Variants in ZCCHC7 observed in about 807,000 individuals in gnomAD.
The protein encoded by ZCCHC7 is zinc finger CCHC-type containing 7, also known as zinc finger CCHC domain-containing protein 7.
ZCCHC7 carries 35 observed loss-of-function variants against 52.0 expected under a neutral mutation model. The ratio of observed to expected loss-of-function variants is 0.67; its 90% CI spans 0.51 to 0.89. The LOEUF (loss-of-function observed/expected upper bound fraction) is 0.89, where lower values mean the gene tolerates loss of function less well. ZCCHC7 is among the 40% of genes least tolerant of loss of function. The pLI, the probability that ZCCHC7 is intolerant of heterozygous loss-of-function variation, is 0.00. For synonymous variants in ZCCHC7, 217 were observed against 221.5 expected (o/e 0.98, Z 0.18); for missense variants, 574 against 649.1 (o/e 0.88, Z 1.26).
chr9:37,147,801 C>G (rs916436976), intron 2 of ZCCHC7, among the ~76,000 whole-genome samples: 1 of 151,840 alleles, frequency 6.6e-6, no homozygotes, highest in Admixed American at 6.6e-5. Flanking sequence ...ACATTTGTGG[C>G]TTTTGAATGA....
chr9:37,213,604 T>G (rs1824352524), intron 2 of ZCCHC7, among the ~76,000 whole-genome samples: 1 of 152,136 alleles, frequency 6.6e-6, no homozygotes, highest in Non-Finnish European at 1.5e-5. Flanking sequence ...GCATAAATAT[T>G]GAGTAAATGT....
chr9:37,181,866 T>A (rs930293930), intron 2 of ZCCHC7, among the ~76,000 whole-genome samples: 3 of 152,136 alleles, frequency 2.0e-5, no homozygotes, highest in Non-Finnish European at 2.9e-5. Context: ...TTAAAAAAAA[T>A]TTGAGATGGA....
At chr9:37,209,372 T>C (rs562291680) in intron 2 of ZCCHC7, among the ~76,000 whole-genome samples, 10 of 152,138 alleles carry the variant, frequency 6.6e-5, no homozygotes, top group Admixed American at 4.6e-4. Flanking sequence ...TATATTCCTG[T>C]CTTAGAGCTT....
intron 2 of ZCCHC7, among the ~76,000 whole-genome samples, chr9:37,199,278 T>C (rs962540165): frequency 6.6e-6 from 1 of 152,072 alleles, no homozygotes; most frequent in Non-Finnish European, 1.5e-5. Context: ...TTTGCTGTTC[T>C]GTCATTCTTG....
At chr9:37,180,380 A>T (rs1822282340) in intron 2 of ZCCHC7, among the ~76,000 whole-genome samples, 1 of 152,104 alleles carries the variant, frequency 6.6e-6, no homozygotes, top group Non-Finnish European at 1.5e-5. Flanking sequence ...GGTAAGTAAA[A>T]CTGGGTTAAA....
At chr9:37,311,674 C>T (rs630400) in intron 5 of ZCCHC7, among the ~76,000 whole-genome samples, 4,697 of 152,184 alleles carry the variant, frequency 0.031, 170 homozygotes, top group African/African-American at 0.077. Flanking sequence ...CCTCCCAAAG[C>T]GCTGGGGTTA....
intron 5 of ZCCHC7, among the ~76,000 whole-genome samples, chr9:37,316,491 C>T (rs950475545): frequency 6.6e-6 from 1 of 150,772 alleles, no homozygotes; most frequent in African/African-American, 2.4e-5. Flanking sequence ...TGCCCAGCTG[C>T]TTTTTCTATT....
chr9:37,260,489 C>T (rs899495255), intron 2 of ZCCHC7, among the ~76,000 whole-genome samples: 2 of 152,162 alleles, frequency 1.3e-5, no homozygotes, highest in African/African-American at 4.8e-5. Flanking sequence ...TTCAAGATGG[C>T]GACAAAGGAC....
chr9:37,357,053 T>C lies in ZCCHC7; in HGVS notation c.1417T>C (p.Phe473Leu). Residue 473 changes from phenylalanine to leucine, a missense_variant, in exon 9 of 9, where the codon TTT becomes CTT. By Grantham distance (22) the Phe-to-Leu change is conservative. Around this residue, in one of 3 missense-constraint regions of ZCCHC7, gnomAD observed 168 missense variants for 171.6 expected, o/e 0.98. Transcript: ENST00000336755. ...CAGACATCGTGAAGTGGATGAGGATTTTCCCAGGGGCCCCAAAACCTACTC... is the reference window on the plus strand; with the variant it reads ...CAGACATCGTGAAGTGGATGAGGATCTTCCCAGGGGCCCCAAAACCTACTC... ...ADRHREVDED[F>L]PRGPKTYSSP... is the part of the protein sequence containing the mutation. The C allele has an allele frequency of 6.2e-7, 1 of 1,613,718 alleles. No homozygotes were observed. Among genetic ancestry groups the C allele is most frequent in the Non-Finnish European group, 8.5e-7 (1 of 1,179,902 alleles).
chr9:37,152,428 C>A (rs1820582888), intron 2 of ZCCHC7, among the ~76,000 whole-genome samples: 1 of 152,148 alleles, frequency 6.6e-6, no homozygotes, highest in African/African-American at 2.4e-5. Context: ...ATTCAGATTT[C>A]TTTAGTTTTT....
intron 2 of ZCCHC7, among the ~76,000 whole-genome samples, chr9:37,276,188 C>T (rs1827675828): frequency 6.6e-6 from 1 of 152,134 alleles, no homozygotes; most frequent in African/African-American, 2.4e-5. Context: ...TTGTGAATGA[C>T]CTATTTAAGT....
intron 5 of ZCCHC7, among the ~76,000 whole-genome samples, chr9:37,313,406 A>G (rs190972966): frequency 1.5e-3 from 224 of 152,358 alleles, no homozygotes; most frequent in Non-Finnish European, 2.5e-3. Context: ...TCAGGGAGTA[A>G]ATCCCAAAAT....
chr9:37,218,905 C>T (rs1824662778), intron 2 of ZCCHC7, among the ~76,000 whole-genome samples: 1 of 150,504 alleles, frequency 6.6e-6, no homozygotes, highest in African/African-American at 2.5e-5. Context: ...TGTAACTCTG[C>T]AGTCTTTTTT....
Position 37,158,279 on chromosome 9 carries a change from C to G in ZCCHC7, c.610+31337C>G, listed in dbSNP as rs1394652831. On this transcript the variant is annotated intron_variant, in intron 2 of 8. Coordinates refer to ENST00000336755, the MANE Select transcript of ZCCHC7 (RefSeq NM_032226.3). ...CAAGGAATGGATACGTATGTAGTTA[C>G]TTCTTCCCTTTCTAGATCCCAAATG... Among the ~76,000 whole-genome samples the G allele has an allele frequency of 4.6e-5, 7 of 152,324 alleles. No individual in the cohort carries two copies. In the South Asian group the frequency reaches 8.3e-4, roughly 18 times the overall value.
intron 2 of ZCCHC7, among the ~76,000 whole-genome samples, chr9:37,259,518 G>A (rs1275986970): frequency 6.6e-6 from 1 of 152,090 alleles, no homozygotes; most frequent in East Asian, 1.9e-4. Context: ...TGATTTTGAG[G>A]ACAGGCCTTG....
At chr9:37,297,902 A>G (rs572276595) in intron 2 of ZCCHC7, among the ~76,000 whole-genome samples, 16 of 152,356 alleles carry the variant, frequency 1.1e-4, no homozygotes, top group African/African-American at 3.8e-4. Context: ...AAGTATAACT[A>G]AAGCTTGGGG....
intron 1 of ZCCHC7, chr9:37,121,003 C>G (rs1842289450): frequency 6.5e-6 from 1 of 153,330 alleles, no homozygotes; most frequent in African/African-American, 2.4e-5. Context: ...AGAGTCCAGT[C>G]TTTGAGGACC....
At chr9:37,319,537 A>AC (rs1276928034) in intron 5 of ZCCHC7, among the ~76,000 whole-genome samples, 1 of 151,850 alleles carries the variant, frequency 6.6e-6, no homozygotes, top group Non-Finnish European at 1.5e-5. Flanking sequence ...AAGTGATCCT[A>AC]CCACCTCAGC....
intron 6 of ZCCHC7, among the ~76,000 whole-genome samples, chr9:37,341,585 G>T (rs1434884118): frequency 6.6e-6 from 1 of 152,102 alleles, no homozygotes; most frequent in Non-Finnish European, 1.5e-5. Flanking sequence ...TGTCAGATAT[G>T]ATAAGTGCCA....
Sources: gnomAD v4.1 joint callset for allele counts (sites outside exome capture counted in the v4.1 genomes callset) on GRCh38, gnomAD v4.1.1 for gene constraint, gnomAD v4.1.1 regional missense constraint, MANE v1.5 for transcripts, NCBI Gene and HGNC (gene_info 2026-07-23, HGNC 2026-07-21) for gene names.